The following PDE11A variants were observed in gnomAD, a reference collection of about 807,000 sequenced individuals.
PDE11A encodes phosphodiesterase 11A.
PDE11A carries 100 observed loss-of-function variants against 100.5 expected under a neutral mutation model. The observed-to-expected ratio is 1.00, with a 90% confidence interval of 0.85 to 1.18. PDE11A has a LOEUF of 1.18. Among genes scored for constraint, PDE11A ranks in the 50% most tolerant of loss-of-function variants. The pLI is 0.00. For missense variants in PDE11A, 1,141 were observed against 1,152.6 expected, an observed-to-expected ratio of 0.99 and a Z score of 0.15; for synonymous variants, 381 against 420.8, an observed-to-expected ratio of 0.91 and a Z score of 1.16.
intron 10 of PDE11A, among the ~76,000 whole-genome samples, chr2:177,757,095 G>A (rs967560320): frequency 2.0e-5 from 3 of 152,142 alleles, no homozygotes; most frequent in Admixed American, 6.5e-5. Flanking sequence ...TTACCTGGGC[G>A]TTTCTCTTTG....
intron 2 of PDE11A, among the ~76,000 whole-genome samples, chr2:177,914,694 A>T (rs562750842): frequency 1.3e-5 from 2 of 152,290 alleles, no homozygotes; most frequent in East Asian, 3.9e-4. Context: ...ACACCCTGAA[A>T]TGCTAGAAAA....
intron 1 of PDE11A, among the ~76,000 whole-genome samples, chr2:178,064,206 G>T (rs1267179647): frequency 6.6e-6 from 1 of 152,158 alleles, no homozygotes; most frequent in Non-Finnish European, 1.5e-5. Flanking sequence ...GTCACACTCT[G>T]ATGCCTTTTA....
chr2:177,959,099 G>C (rs1023456562), intron 2 of PDE11A, among the ~76,000 whole-genome samples: 43 of 152,170 alleles, frequency 2.8e-4, no homozygotes, highest in Admixed American at 2.2e-3. Context: ...ATTTGGAAAA[G>C]ATCTCCCAGG....
chr2:177,887,599 C>T (rs1384167226), intron 4 of PDE11A, among the ~76,000 whole-genome samples: 3 of 152,024 alleles, frequency 2.0e-5, no homozygotes. Context: ...CTCATTTCCA[C>T]AAAAATTAGC....
rs548563529 is a variant in PDE11A, at chr2:177,861,108, GA to G, written c.1367+14750del. On this transcript the variant is annotated intron_variant, in intron 5 of 19. Transcript: ENST00000286063. Reference sequence around the variant, plus strand: ...TAGACATGCAATCAGGCAAGAGAAAGAAATAAAAAGGCATTCAGACTGTAAA... The same window carrying G: ...TAGACATGCAATCAGGCAAGAGAAAGAATAAAAAGGCATTCAGACTGTAAA... 8.6e-5 allele frequency among the ~76,000 whole-genome samples: 13 copies of G among 151,728 alleles called. No individual in the cohort carries two copies. The South Asian group carries it at 2.7e-3, about 31-fold the overall frequency.
chr2:177,685,480 T>C (rs953885510), intron 15 of PDE11A, among the ~76,000 whole-genome samples: 2 of 152,238 alleles, frequency 1.3e-5, no homozygotes, highest in African/African-American at 4.8e-5. Context: ...GAACATAACA[T>C]CTTTGATGCA....
intron 9 of PDE11A, among the ~76,000 whole-genome samples, chr2:177,802,035 T>C (rs1011269783): frequency 5.3e-5 from 8 of 151,930 alleles, no homozygotes; most frequent in African/African-American, 1.9e-4. Flanking sequence ...CAAGCAATCC[T>C]ATTAAAAGTG....
At chr2:177,746,668 G>A (rs866907553) in intron 10 of PDE11A, among the ~76,000 whole-genome samples, 40 of 152,320 alleles carry the variant, frequency 2.6e-4, no homozygotes, top group African/African-American at 9.4e-4. Context: ...TGAGACAAAA[G>A]AATTGCAATC....
intron 4 of PDE11A, chr2:177,888,599 A>T: frequency 2.6e-6 from 1 of 381,290 alleles, no homozygotes; most frequent in Non-Finnish European, 3.6e-6. Context: ...CATTAAAATT[A>T]AAATATTCCA....
At chr2:178,105,801 G>A (rs1050499024) in intron 1 of PDE11A, 10 of 829,280 alleles carry the variant, frequency 1.2e-5, no homozygotes, top group Admixed American at 9.2e-5. Flanking sequence ...TATCTCACCT[G>A]CCCAGCCAAC....
chr2:177,635,520 G>A (rs1426106066), intron 19 of PDE11A, among the ~76,000 whole-genome samples: 1 of 152,162 alleles, frequency 6.6e-6, no homozygotes, highest in Non-Finnish European at 1.5e-5. Flanking sequence ...CTCCACTGTT[G>A]AGTTCTCTTG....
intron 6 of PDE11A, among the ~76,000 whole-genome samples, chr2:177,838,587 C>A (rs1293865171): frequency 6.6e-6 from 1 of 152,220 alleles, no homozygotes; most frequent in East Asian, 1.9e-4. Context: ...GGGAAGATGG[C>A]AGTCAGATCT....
At chr2:177,687,230 G>A (rs6433691) in intron 15 of PDE11A, 29,092 of 152,086 alleles carry the variant, frequency 0.19, 4,536 homozygotes, top group African/African-American at 0.43. Flanking sequence ...CTGCCTAGAA[G>A]TAAGTCTCTG....
chr2:177,645,399 G>A (rs1038642500), intron 19 of PDE11A, among the ~76,000 whole-genome samples: 3 of 152,130 alleles, frequency 2.0e-5, no homozygotes, highest in Non-Finnish European at 4.4e-5. Context: ...GTTTCACCAC[G>A]TTGGCCAGGC....
intron 9 of PDE11A, among the ~76,000 whole-genome samples, chr2:177,807,333 C>T (rs1195616203): frequency 1.3e-5 from 2 of 152,188 alleles, no homozygotes; most frequent in Admixed American, 6.5e-5. Flanking sequence ...TAAGTTACCA[C>T]TGATTTGATT....
chr2:177,917,907 G>A (rs78351516), intron 2 of PDE11A, among the ~76,000 whole-genome samples: 1,688 of 152,138 alleles, frequency 0.011, 30 homozygotes, highest in African/African-American at 0.038. Flanking sequence ...AAACAGAGAA[G>A]GCTATGAAAA....
chr2:177,824,510 C>G (rs553293148), intron 6 of PDE11A, among the ~76,000 whole-genome samples: 4 of 152,274 alleles, frequency 2.6e-5, no homozygotes, highest in Non-Finnish European at 1.5e-5. Context: ...TGTGTGTGAA[C>G]AGATTTCTAC....
At chr2:177,924,275 T>C (rs2085095834) in intron 2 of PDE11A, among the ~76,000 whole-genome samples, 1 of 152,210 alleles carries the variant, frequency 6.6e-6, no homozygotes, top group South Asian at 2.1e-4. Context: ...TATTATAGCA[T>C]CCATGGCCAT....
At chr2:178,038,323 T>A (rs1308952520) in intron 1 of PDE11A, among the ~76,000 whole-genome samples, 1 of 148,330 alleles carries the variant, frequency 6.7e-6, no homozygotes. Flanking sequence ...AACACTGATC[T>A]GCTTCCTGTC....
Sources: gnomAD v4.1 joint callset for allele counts (sites outside exome capture counted in the v4.1 genomes callset) on GRCh38, gnomAD v4.1.1 for gene constraint, MANE v1.5 for transcripts, NCBI Gene and HGNC (gene_info 2026-07-23, HGNC 2026-07-21) for gene names.